The following MALRD1 variants were observed in gnomAD, a reference collection of about 807,000 sequenced individuals.
MALRD1 encodes the protein MAM and LDL-receptor class A domain-containing protein 1.
In MALRD1, 247 loss-of-function variants were observed where a neutral mutation model predicts 242.1. That is an observed-to-expected ratio of 1.02 (90% CI 0.92 to 1.13). MALRD1 has a LOEUF of 1.13. Ranked by LOEUF, MALRD1 falls within the 50% of genes most tolerant of loss-of-function variation. The pLI, the probability that MALRD1 is intolerant of heterozygous loss-of-function variation, is 0.00. For synonymous variants in MALRD1, 995 were observed against 866.6 expected, an observed-to-expected ratio of 1.15 and a Z score of -2.60; for missense variants, 2,989 against 2,533.1, an observed-to-expected ratio of 1.18 and a Z score of -3.86.
intron 26 of MALRD1, among the ~76,000 whole-genome samples, chr10:19,367,863 T>C (rs1388978726): frequency 6.6e-6 from 1 of 152,112 alleles, no homozygotes; most frequent in Non-Finnish European, 1.5e-5. Flanking sequence ...ATTAGTGATG[T>C]TGATCATTTT....
intron 29 of MALRD1, among the ~76,000 whole-genome samples, chr10:19,476,312 C>T (rs984880716): frequency 1.3e-5 from 2 of 152,236 alleles, no homozygotes; most frequent in East Asian, 3.9e-4. Flanking sequence ...TGTCTTTGAT[C>T]AGTTGTCTAT....
In MALRD1 at chr10:19,315,003, T is replaced by TATATAAATTATATAAATATGTAA. The variant is rs1564554149; in HGVS notation, c.3420-8940_3420-8939insATTATATAAATATGTAAATATAA. 3.2e-4 allele frequency among the ~76,000 whole-genome samples: 46 copies of TATATAAATTATATAAATATGTAA among 143,830 alleles called. 1 individual carries two copies. Among genetic ancestry groups the TATATAAATTATATAAATATGTAA allele is most frequent in the African/African-American group, 1.1e-3 (41 of 38,962 alleles). 94.4% of individuals were successfully genotyped at this position (143,830 alleles called of 152,430 possible). On this transcript the variant is annotated intron_variant, in intron 21 of 39. Transcript: ENST00000454679. ...ATCTGGAATGTGTGCTTAGTAAATTTATATAATTTATATAAATATATAAAT... is the reference window on the plus strand; with the variant it reads ...ATCTGGAATGTGTGCTTAGTAAATTTATATAAATTATATAAATATGTAAATATAATTTATATAAATATATAAAT...
intron 21 of MALRD1, among the ~76,000 whole-genome samples, chr10:19,318,064 A>T (rs991109235): frequency 6.6e-6 from 1 of 152,016 alleles, no homozygotes; most frequent in Non-Finnish European, 1.5e-5. Context: ...AGGGATGCTG[A>T]TATTTTATGA....
chr10:19,193,663 A>C (rs1836094614), intron 14 of MALRD1, among the ~76,000 whole-genome samples: 1 of 152,166 alleles, frequency 6.6e-6, no homozygotes, highest in Non-Finnish European at 1.5e-5. Context: ...CGTTAATATA[A>C]ATAATTCCTT....
intron 33 of MALRD1, among the ~76,000 whole-genome samples, chr10:19,586,951 G>T (rs545351789): frequency 6.6e-6 from 1 of 152,212 alleles, no homozygotes; most frequent in Non-Finnish European, 1.5e-5. Context: ...TAGGCCCGTC[G>T]GAAAAGCGCA....
intron 34 of MALRD1, among the ~76,000 whole-genome samples, chr10:19,598,888 G>A (rs1467991250): frequency 6.6e-6 from 1 of 152,092 alleles, no homozygotes; most frequent in Admixed American, 6.6e-5. Context: ...AGAGACTGAG[G>A]ATCTTAAAGG....
At chr10:19,180,889 A>G (rs1835474095) in intron 14 of MALRD1, among the ~76,000 whole-genome samples, 1 of 152,218 alleles carries the variant, frequency 6.6e-6, no homozygotes, top group Admixed American at 6.5e-5. Context: ...TAGATAAAAA[A>G]TGGGCAAAGG....
intron 8 of MALRD1, among the ~76,000 whole-genome samples, chr10:19,130,798 G>A (rs1219695839): frequency 1.3e-5 from 2 of 152,060 alleles, no homozygotes; most frequent in Admixed American, 6.6e-5. Context: ...CATTCTTCTG[G>A]TGGCTTTAGA....
chr10:19,566,913 T>G (rs1836281615), intron 32 of MALRD1, among the ~76,000 whole-genome samples: 1 of 152,124 alleles, frequency 6.6e-6, no homozygotes, highest in Admixed American at 6.6e-5. Context: ...AGTACTAGAA[T>G]CTAGCATGTA....
At chr10:19,461,252 A>G (rs536078419) in intron 29 of MALRD1, among the ~76,000 whole-genome samples, 14 of 152,262 alleles carry the variant, frequency 9.2e-5, no homozygotes, top group East Asian at 3.9e-4. Context: ...ACTCACACAA[A>G]TTGTCTGGAA....
intron 18 of MALRD1, among the ~76,000 whole-genome samples, chr10:19,234,418 GATAATT>G (rs1477905990): frequency 6.6e-6 from 1 of 151,866 alleles, no homozygotes; most frequent in Non-Finnish European, 1.5e-5. Context: ...TTGACTTTCA[GATAATT>G]AACATTTTCC....
At chr10:19,535,334 G>C (rs186642978) in intron 32 of MALRD1, among the ~76,000 whole-genome samples, 1 of 152,002 alleles carries the variant, frequency 6.6e-6, no homozygotes, top group African/African-American at 2.4e-5. Context: ...GTGATAAAAA[G>C]AAATGTTTAT....
intron 18 of MALRD1, among the ~76,000 whole-genome samples, chr10:19,244,165 A>G (rs930495560): frequency 6.6e-6 from 1 of 152,214 alleles, no homozygotes; most frequent in African/African-American, 2.4e-5. Flanking sequence ...CTACCACATC[A>G]CATCATGTTG....
chr10:19,686,829 C>G (rs999208530), intron 36 of MALRD1, among the ~76,000 whole-genome samples: 14 of 152,124 alleles, frequency 9.2e-5, no homozygotes, highest in Admixed American at 1.3e-4. Context: ...GTGCAACATA[C>G]ATTGGGTAAT....
At chr10:19,571,408 A>G (rs1836533716) in intron 33 of MALRD1, among the ~76,000 whole-genome samples, 1 of 152,194 alleles carries the variant, frequency 6.6e-6, no homozygotes, top group Non-Finnish European at 1.5e-5. Context: ...TATATGCCTC[A>G]GAGACATTTG....
intron 21 of MALRD1, among the ~76,000 whole-genome samples, chr10:19,307,049 A>C (rs1474552972): frequency 6.6e-6 from 1 of 151,588 alleles, no homozygotes; most frequent in Non-Finnish European, 1.5e-5. Flanking sequence ...GGTATATGAC[A>C]GAGACCTTGG....
intron 2 of MALRD1, among the ~76,000 whole-genome samples, chr10:19,071,981 A>T (rs1835163112): frequency 6.6e-6 from 1 of 152,196 alleles, no homozygotes; most frequent in Non-Finnish European, 1.5e-5. Context: ...ACAAGAATGC[A>T]GCTCTTGTCT....
intron 14 of MALRD1, among the ~76,000 whole-genome samples, chr10:19,183,421 G>A (rs12357450): frequency 0.28 from 42,904 of 151,570 alleles, 6,408 homozygotes; most frequent in South Asian, 0.51. Flanking sequence ...GAAAAAACAG[G>A]GGTTTCTTAT....
intron 26 of MALRD1, among the ~76,000 whole-genome samples, chr10:19,377,019 C>T (rs1691022826): frequency 6.6e-6 from 1 of 152,142 alleles, no homozygotes; most frequent in Admixed American, 6.6e-5. Context: ...AAAATAAACA[C>T]TATGTGGTAC....
Sources: allele counts gnomAD v4.1 joint callset (sites outside exome capture counted in the v4.1 genomes callset), GRCh38; gene constraint gnomAD v4.1.1; transcripts MANE v1.5; gene names NCBI Gene and HGNC (gene_info 2026-07-23, HGNC 2026-07-21).